NFASC: variants seen among roughly 807,000 people sequenced by gnomAD.
NFASC encodes neurofascin.
A neutral mutation model predicts 147.5 loss-of-function variants in NFASC; 43 were observed. The observed-to-expected ratio is 0.29, with a 90% CI of 0.23 to 0.38. The LOEUF (loss-of-function observed/expected upper bound fraction) is 0.38. Ranked by LOEUF, NFASC falls within the 10% of genes least tolerant of loss-of-function variation. The probability of loss-of-function intolerance (pLI) is 1.00; values close to 1 mark genes in which losing one functional copy is unlikely to be tolerated. For missense variants in NFASC, 1,320 were observed against 1,689.0 expected (o/e 0.78, Z 3.83); for synonymous variants, 622 against 665.5 (o/e 0.93, Z 1.01).
intron 1 of NFASC, among the ~76,000 whole-genome samples, chr1:204,911,613 TA>T (rs2087524075): frequency 6.6e-6 from 1 of 152,194 alleles, no homozygotes. Flanking sequence ...TTGCACTATC[TA>T]TGTCTGGTTT....
At chr1:204,870,932 G>C (rs1053081804) in intron 1 of NFASC, 12 of 1,235,988 alleles carry the variant, frequency 9.7e-6, no homozygotes, top group Non-Finnish European at 8.3e-6. Flanking sequence ...GATCTTGCTG[G>C]GATTTTGCTC....
chr1:204,834,626 A>AT (rs200994355), intron 1 of NFASC, among the ~76,000 whole-genome samples: 59 of 150,906 alleles, frequency 3.9e-4, no homozygotes, highest in East Asian at 9.7e-4. Flanking sequence ...TCATGTTGTT[A>AT]TTTTTTTTTG....
intron 21 of NFASC, chr1:204,984,345 G>GTGTGTA (rs386369404): frequency 4.4e-6 from 1 of 227,734 alleles, no homozygotes; most frequent in African/African-American, 3.7e-5. Context: ...GTGTGTGTGT[G>GTGTGTA]TATATATATA....
chr1:204,841,888 T>G (rs1675468412), intron 1 of NFASC, among the ~76,000 whole-genome samples: 1 of 152,144 alleles, frequency 6.6e-6, no homozygotes. Flanking sequence ...CCCCTTTGGC[T>G]TCAGCTGTGA....
At chr1:204,864,182 A>G (rs969386176) in intron 1 of NFASC, among the ~76,000 whole-genome samples, 3 of 152,170 alleles carry the variant, frequency 2.0e-5, no homozygotes, top group East Asian at 1.9e-4. Flanking sequence ...TCAAGGTTGA[A>G]ATGTATCAGA....
At chr1:204,953,483 G>A (rs979703994) in intron 5 of NFASC, among the ~76,000 whole-genome samples, 1 of 152,042 alleles carries the variant, frequency 6.6e-6, no homozygotes, top group African/African-American at 2.4e-5. Flanking sequence ...ATTTTTAGTA[G>A]GACGGGGTTT....
At position 205,015,981 on chromosome 1, in the gene NFASC, C is replaced by T. The variant is rs2096353360; in HGVS notation, c.3492-327C>T. On this transcript the variant is annotated intron_variant, in intron 29 of 29. Transcript: ENST00000339876. This position sits in a 1 kb window ranked among gnomAD's most constrained non-coding sequence, Gnocchi z 4.0. ...TGTGGTCTCACAAGCAGTGGCTCTG[C>T]CTCACCATGGGGTGGCCATCCTCTG... is the stretch of plus-strand genomic sequence containing the variant. Among the ~76,000 whole-genome samples, 1 of 152,178 alleles carries T rather than the reference C, an allele frequency of 6.6e-6. No individual in the cohort carries two copies. The highest frequency in any genetic ancestry group is 1.5e-5 in the Non-Finnish European group (1 of 68,036).
intron 1 of NFASC, among the ~76,000 whole-genome samples, chr1:204,898,843 A>G (rs1255611974): frequency 6.6e-6 from 1 of 152,242 alleles, no homozygotes; most frequent in African/African-American, 2.4e-5. Flanking sequence ...ATTTTGGAGG[A>G]GCAGTGAAAG....
intron 1 of NFASC, among the ~76,000 whole-genome samples, chr1:204,881,741 G>A (rs1023047995): frequency 1.3e-5 from 2 of 152,170 alleles, no homozygotes; most frequent in Non-Finnish European, 2.9e-5. Context: ...AAGATTCTTT[G>A]CTTGACCAAA....
chr1:204,979,199 A>G lies in NFASC; in HGVS notation c.1978+130A>G. Reference sequence around the variant, plus strand: ...GTGTCCTGGGCTAACCTCAGAATGTACAGAGGCCTTGGTGTCTCTTCCTGT... The same window carrying G: ...GTGTCCTGGGCTAACCTCAGAATGTGCAGAGGCCTTGGTGTCTCTTCCTGT... On this transcript the variant is annotated intron_variant, in intron 18 of 29. Transcript: ENST00000339876. This position sits in a 1 kb window ranked among gnomAD's most constrained non-coding sequence, Gnocchi z 6.0. The G allele has an allele frequency of 1.0e-6, 1 of 954,052 alleles. No individual in the cohort carries two copies. The highest frequency in any genetic ancestry group is 1.6e-6 in the Non-Finnish European group (1 of 618,754). 59.1% of individuals were successfully genotyped at this position (954,052 alleles called of 1,614,324 possible).
intron 23 of NFASC, among the ~76,000 whole-genome samples, chr1:204,990,884 A>G (rs2095716000): frequency 6.6e-6 from 1 of 152,204 alleles, no homozygotes; most frequent in African/African-American, 2.4e-5. Context: ...GGCATCATGG[A>G]GCGTCACCCA....
chr1:205,012,879 C>G lies in NFASC; in HGVS notation c.3491+13C>G. 6.3e-7 allele frequency: 1 copy of G among 1,598,168 alleles called. No individual in the cohort carries two copies. The highest frequency in any genetic ancestry group is 1.7e-5 in the Admixed American group (1 of 59,980). ...CATTTGACTATAGGTGCGTGATCTC[C>G]CTCCTCCTCTCTCAGGCAGGCTGTC... On this transcript the variant is annotated intron_variant, in intron 29 of 29. Coordinates refer to ENST00000339876, the MANE Select transcript of NFASC (RefSeq NM_001005388.3).
At chr1:204,897,762 G>A (rs2083676387) in intron 1 of NFASC, among the ~76,000 whole-genome samples, 1 of 151,618 alleles carries the variant, frequency 6.6e-6, no homozygotes, top group South Asian at 2.1e-4. Context: ...GGGGGGCAGA[G>A]TCTTGCTCTG....
In NFASC at chr1:204,963,786, A is replaced by G. The variant is rs185726251; in HGVS notation, c.707-4463A>G. 4.4e-3 allele frequency among the ~76,000 whole-genome samples: 665 copies of G among 152,366 alleles called. 4 individuals are homozygous for G. The highest frequency in any genetic ancestry group is 0.015 in the African/African-American group (640 of 41,584). The stretch of plus-strand genomic sequence containing the variant: ...ACTAGGCTGATGCTTCTAGCAAGAA[A>G]TCAAAGGGAAATGGAAGGAAGGAGG... On this transcript the variant is annotated intron_variant, in intron 8 of 29. Coordinates refer to ENST00000339876, the MANE Select transcript of NFASC (RefSeq NM_001005388.3).
intron 19 of NFASC, 118 bp from the exon 20 acceptor site, chr1:204,980,252 A>G: frequency 1.3e-6 from 1 of 771,116 alleles, no homozygotes; most frequent in East Asian, 2.7e-5. Flanking sequence ...GCGTATACAT[A>G]GATGCCGAGG....
chr1:205,013,506 C>A (rs557350221), intron 29 of NFASC, among the ~76,000 whole-genome samples: 17 of 152,300 alleles, frequency 1.1e-4, no homozygotes, highest in African/African-American at 3.9e-4. Flanking sequence ...AAGGTCCCCA[C>A]CCAGTGAGTT....
intron 11 of NFASC, among the ~76,000 whole-genome samples, chr1:204,971,162 G>T (rs74696026): frequency 6.6e-6 from 1 of 152,208 alleles, no homozygotes; most frequent in African/African-American, 2.4e-5. Flanking sequence ...CTCAAGTTCC[G>T]CTCTCTGCTA....
In NFASC at chr1:205,018,424, A is replaced by G. The variant is rs1199395874; in HGVS notation, c.*1885A>G. On this transcript the variant is annotated 3_prime_UTR_variant, in exon 30 of 30. Coordinates refer to ENST00000339876, the MANE Select transcript of NFASC (RefSeq NM_001005388.3). ...AATCATTCAGTTGAAGGTCAAGCCC[A>G]TAGACACACACTCTCTGCTGGTAAG... 6.5e-6 allele frequency: 1 copy of G among 152,724 alleles called. No homozygotes were observed. Among genetic ancestry groups the G allele is most frequent in the East Asian group, 1.9e-4 (1 of 5,204 alleles). The allele number at this position is 152,724 out of a possible 1,614,324, so 9.5% of individuals were successfully genotyped here.
At position 205,016,521 on chromosome 1, in the gene NFASC, T is replaced by C. The variant is rs762010750; in HGVS notation, c.3705T>C (p.Ala1235=). ...CAGAGGCCACGTCACCTGTCAATGC[T>C]ATCTACTCTCTGGCCTAACGGAGCC... ...ESSEATSPVN[A]IYSLA Residue 1235 remains alanine, a synonymous_variant, in exon 30 of 30, where the codon GCT becomes GCC. Transcript: ENST00000339876. The surrounding 1 kb of genome is among the most constrained non-coding windows in gnomAD (Gnocchi z 5.1). 15 of 1,613,468 alleles carry C rather than the reference T, an allele frequency of 9.3e-6. No individual in the cohort carries two copies. The highest frequency in any genetic ancestry group is 1.1e-5 in the Non-Finnish European group (13 of 1,179,552).
Sources: allele counts gnomAD v4.1 joint callset (sites outside exome capture counted in the v4.1 genomes callset), GRCh38; gene constraint gnomAD v4.1.1; non-coding constraint Gnocchi (gnomAD v3.1); transcripts MANE v1.5; gene names NCBI Gene and HGNC (gene_info 2026-07-23, HGNC 2026-07-21).